AKR1C3: variants seen among roughly 807,000 people sequenced by gnomAD.
AKR1C3 encodes the protein 3-alpha hydroxysteroid dehydrogenase, type II.
Under a neutral mutation model 43.6 loss-of-function variants are expected in AKR1C3, and 48 were observed. The observed-to-expected ratio is 1.10, with a 90% CI of 0.87 to 1.40. The LOEUF is 1.40. AKR1C3 is among the 40% of genes most tolerant of loss of function. AKR1C3 has a pLI of 0.00. For synonymous variants in AKR1C3, 162 were observed against 139.6 expected (o/e 1.16, Z -1.13); for missense variants, 482 against 391.2 (o/e 1.23, Z -1.96).
chr10:5,049,856 A>C (rs4596974), intron 1 of AKR1C3, among the ~76,000 whole-genome samples: 5,988 of 152,266 alleles, frequency 0.039, 404 homozygotes, highest in African/African-American at 0.14. Flanking sequence ...AGGACTATAT[A>C]TGTAACTATA....
Position 5,048,980 on chromosome 10 carries a change from T to C in AKR1C3, c.84+85T>C, listed in dbSNP as rs1554778666. 3.4e-5 allele frequency: 36 copies of C among 1,074,596 alleles called. No homozygotes were observed. The South Asian group carries it at 4.5e-4, about 13-fold the overall frequency. The allele number at this position is 1,074,596 out of a possible 1,614,324, so 66.6% of individuals were successfully genotyped here. A position where few individuals can be genotyped will look rare whatever the true frequency, so the allele number is the denominator to read the frequency against. Reference sequence around the variant, plus strand: ...CTGACCTGGGTTGTCAGGTTTGTGTTCGTGTATTACTCTGCATGACTCCAA... The same window carrying C: ...CTGACCTGGGTTGTCAGGTTTGTGTCCGTGTATTACTCTGCATGACTCCAA... On this transcript the variant is annotated intron_variant, in intron 1 of 8. Transcript: ENST00000439082.
At chr10:5,107,121 T>G (rs1223408610) in intron 8 of AKR1C3, among the ~76,000 whole-genome samples, 3 of 152,156 alleles carry the variant, frequency 2.0e-5, no homozygotes, top group Admixed American at 1.3e-4. Context: ...TCTTACAAAA[T>G]ATATTGCATA....
At chr10:5,100,351 T>C (rs1026250581) in intron 5 of AKR1C3, among the ~76,000 whole-genome samples, 2 of 152,118 alleles carry the variant, frequency 1.3e-5, no homozygotes, top group East Asian at 3.9e-4. Flanking sequence ...GTGGATGAAA[T>C]CAACACTGAG....
intron 1 of AKR1C3, among the ~76,000 whole-genome samples, chr10:5,075,261 T>C (rs1838689620): frequency 6.6e-6 from 1 of 152,064 alleles, no homozygotes. Context: ...CTACACATGG[T>C]CATAAGTTTG....
At chr10:5,091,139 G>C (rs887773640), upstream of AKR1C3, among the ~76,000 whole-genome samples, 1 of 151,980 alleles carries the variant, frequency 6.6e-6, no homozygotes, top group South Asian at 2.1e-4. Context: ...GGAGTAAAAT[G>C]AGGGTTATTT....
intron 1 of AKR1C3, among the ~76,000 whole-genome samples, chr10:5,084,538 T>G (rs192602515): frequency 1.3e-5 from 2 of 152,176 alleles, no homozygotes; most frequent in Non-Finnish European, 2.9e-5. Context: ...TCTTTTGGCT[T>G]AGGATTGACT....
At chr10:5,066,533 G>A (rs1271087677) in intron 1 of AKR1C3, among the ~76,000 whole-genome samples, 1 of 152,056 alleles carries the variant, frequency 6.6e-6, no homozygotes. Flanking sequence ...TTGCATATAA[G>A]CATTTAAAAC....
chr10:5,050,833 C>T (rs1381073980), intron 1 of AKR1C3, among the ~76,000 whole-genome samples: 1 of 152,042 alleles, frequency 6.6e-6, no homozygotes, highest in Non-Finnish European at 1.5e-5. Flanking sequence ...CTGAAAATTA[C>T]CAAATATGTT....
At chr10:5,087,810 T>C (rs138340601) in intron 1 of AKR1C3, among the ~76,000 whole-genome samples, 62 of 152,282 alleles carry the variant, frequency 4.1e-4, no homozygotes, top group African/African-American at 1.5e-3. Flanking sequence ...ATTTTTTTTC[T>C]TGTCTCAATT....
intron 1 of AKR1C3, among the ~76,000 whole-genome samples, chr10:5,094,960 C>T (rs149126626): frequency 3.9e-5 from 6 of 152,146 alleles, no homozygotes; most frequent in South Asian, 2.1e-4. Flanking sequence ...ACAAAACTGT[C>T]GGCAGAGTAT....
chr10:5,061,287 G>C (rs1554780211), intron 1 of AKR1C3, among the ~76,000 whole-genome samples: 2 of 152,226 alleles, frequency 1.3e-5, no homozygotes, highest in African/African-American at 4.8e-5. Flanking sequence ...AGGAGCTGGT[G>C]ACAGGTATAT....
chr10:5,080,231 T>C (rs1395954862), intron 1 of AKR1C3, among the ~76,000 whole-genome samples: 4 of 151,982 alleles, frequency 2.6e-5, no homozygotes, highest in Non-Finnish European at 5.9e-5. Flanking sequence ...TGTGAATGAG[T>C]GTGTGAAAAT....
At chr10:5,103,185 GCCT>G (rs1423733982) in intron 7 of AKR1C3, among the ~76,000 whole-genome samples, 2 of 152,086 alleles carry the variant, frequency 1.3e-5, no homozygotes, top group Non-Finnish European at 2.9e-5. Flanking sequence ...ACCGCTCCTG[GCCT>G]CCTCTTCATC....
intron 7 of AKR1C3, 78 bp from the exon 8 acceptor site, chr10:5,105,517 C>A (rs1422081123): frequency 9.2e-7 from 1 of 1,086,680 alleles, no homozygotes; most frequent in Non-Finnish European, 1.4e-6. Flanking sequence ...AGTATTGTCT[C>A]TGCACCCTAC....
chr10:5,051,104 G>A (rs1473930990), intron 1 of AKR1C3, among the ~76,000 whole-genome samples: 1 of 152,140 alleles, frequency 6.6e-6, no homozygotes, highest in Non-Finnish European at 1.5e-5. Flanking sequence ...TTTGTTGTTT[G>A]TTTGTTTTGA....
At chr10:5,096,206 C>A in intron 1 of AKR1C3, 1 of 540,686 alleles carries the variant, frequency 1.8e-6, no homozygotes, top group Non-Finnish European at 3.2e-6. Flanking sequence ...AGTGATCAAC[C>A]AGAGATTGCC....
In AKR1C3 at chr10:5,106,983, A is replaced by T. The variant is rs1839519271; in HGVS notation, c.930-478A>T. Among the ~76,000 whole-genome samples, 3 of 152,186 alleles carry T rather than the reference A, an allele frequency of 2.0e-5. No individual in the cohort carries two copies. The South Asian group carries it at 6.2e-4, about 31-fold the overall frequency. On this transcript the variant is annotated intron_variant, in intron 8 of 8. Coordinates refer to ENST00000380554, the MANE Select transcript of AKR1C3 (RefSeq NM_003739.6). ...CATGAGTAATTCTTATCATCCATTA[A>T]AAATGTAATAAGTTGGTGTTTATCT...
At chr10:5,066,779 A>C (rs1159898297) in intron 1 of AKR1C3, among the ~76,000 whole-genome samples, 1 of 152,224 alleles carries the variant, frequency 6.6e-6, no homozygotes, top group African/African-American at 2.4e-5. Context: ...CATAAGTGCC[A>C]GCTGCAGCAT....
chr10:5,100,836 A>G (rs1047464546), intron 5 of AKR1C3, among the ~76,000 whole-genome samples: 26 of 152,202 alleles, frequency 1.7e-4, no homozygotes, highest in African/African-American at 6.3e-4. Flanking sequence ...ATTCAACATA[A>G]CCATTTATAT....
Sources: allele counts gnomAD v4.1 joint callset (sites outside exome capture counted in the v4.1 genomes callset), GRCh38; gene constraint gnomAD v4.1.1; transcripts MANE v1.5; gene names NCBI Gene and HGNC (gene_info 2026-07-23, HGNC 2026-07-21).